The following UBAC1 variants were observed in gnomAD, a reference collection of about 807,000 sequenced individuals.
UBAC1 encodes the protein UBA domain containing 1, also known as ubiquitin-associated domain-containing protein 1.
UBAC1 carries 27 observed loss-of-function variants against 45.9 expected under a neutral mutation model. The observed-to-expected ratio is 0.59, with a 90% CI of 0.43 to 0.81. The LOEUF (loss-of-function observed/expected upper bound fraction) is 0.81, where lower values mean the gene tolerates loss of function less well. UBAC1 is among the 30% of genes least tolerant of loss of function. The pLI is 0.00. For missense variants in UBAC1, 529 were observed against 539.2 expected, an observed-to-expected ratio of 0.98 and a Z score of 0.19; for synonymous variants, 227 against 215.5, an observed-to-expected ratio of 1.05 and a Z score of -0.47.
Position 135,933,295 on chromosome 9 carries a change from G to A in UBAC1, c.*105C>T. On this transcript the variant is annotated 3_prime_UTR_variant, in exon 10 of 10. Transcript: ENST00000371756. Reference sequence around the variant, plus strand: ...CAGCTGCAGCACCTCTAACAGTCCAGGGCTGAGGCGCTGAAGGTGAGTTTC... The same window carrying A: ...CAGCTGCAGCACCTCTAACAGTCCAAGGCTGAGGCGCTGAAGGTGAGTTTC... 1.1e-6 allele frequency: 1 copy of A among 872,900 alleles called. No individual in the cohort carries two copies. The allele number at this position is 872,900 out of a possible 1,614,324, so 54.1% of individuals were successfully genotyped here. A position where few individuals can be genotyped will look rare whatever the true frequency, so the allele number is the denominator to read the frequency against.
At chr9:135,959,889 A>ATCC (rs2131097508) in intron 1 of UBAC1, among the ~76,000 whole-genome samples, 1 of 152,264 alleles carries the variant, frequency 6.6e-6, no homozygotes, top group Admixed American at 6.5e-5. Context: ...CTTGGTGTGA[A>ATCC]TCCTGAGGCC....
intron 4 of UBAC1, 119 bp downstream of exon 4, chr9:135,947,679 G>T: frequency 1.3e-6 from 1 of 768,002 alleles, no homozygotes; most frequent in Non-Finnish European, 2.0e-6. Context: ...CCGCTCACCG[G>T]CTTCCCCAAA....
chr9:135,961,132 C>T lies in UBAC1; in HGVS notation c.31G>A (p.Gly11Ser). 6.3e-7 allele frequency: 1 copy of T among 1,585,846 alleles called. No individual in the cohort carries two copies. Among genetic ancestry groups the T allele is most frequent in the East Asian group, 2.4e-5 (1 of 41,844 alleles). Residue 11 changes from glycine to serine, a missense_variant, in exon 1 of 10, where the codon GGC becomes AGC. Physicochemically the swap from Gly to Ser is moderately conservative, Grantham distance 56 (BLOSUM62 0). Transcript: ENST00000371756. Reference protein sequence around the residue: MFVQEEKIFAGKVLRLHICAS... With the variant: MFVQEEKIFASKVLRLHICAS... Reference sequence around the variant, plus strand: ...CAGATGTGCAGCCGCAGCACCTTGCCCGCGAAGATCTTCTCCTCCTGCACG... The same window carrying T: ...CAGATGTGCAGCCGCAGCACCTTGCTCGCGAAGATCTTCTCCTCCTGCACG...
intron 7 of UBAC1, among the ~76,000 whole-genome samples, chr9:135,942,787 G>A (rs1472306297): frequency 2.0e-5 from 3 of 152,214 alleles, no homozygotes; most frequent in African/African-American, 7.2e-5. Flanking sequence ...GCTGCCCTGG[G>A]AGGGCGGGGT....
intron 9 of UBAC1, among the ~76,000 whole-genome samples, chr9:135,936,559 G>A (rs1468211681): frequency 4.7e-5 from 7 of 150,358 alleles, no homozygotes; most frequent in South Asian, 2.1e-4. Flanking sequence ...GCAGTGGCAC[G>A]ATCTCGGCTC....
At position 135,933,328 on chromosome 9, in the gene UBAC1, G is replaced by C. The variant is rs1839166327; in HGVS notation, c.*72C>G. ...GCGCTGAAGGTGAGTTTCCAGGTGA[G>C]GTCCACTCTGCCCGGTCTCGGGCCG... On this transcript the variant is annotated 3_prime_UTR_variant, in exon 10 of 10. Transcript: ENST00000371756. The C allele has an allele frequency of 1.6e-6, 2 of 1,280,140 alleles. No individual in the cohort carries two copies. Among genetic ancestry groups the C allele is most frequent in the Non-Finnish European group, 1.1e-6 (1 of 880,000 alleles). 79.3% of individuals were successfully genotyped at this position (1,280,140 alleles called of 1,614,324 possible).
intron 3 of UBAC1, among the ~76,000 whole-genome samples, chr9:135,949,626 C>G (rs1180514561): frequency 6.6e-6 from 1 of 152,242 alleles, no homozygotes; most frequent in Non-Finnish European, 1.5e-5. Context: ...GGCCTCCAGA[C>G]AGTTTCCCCT....
chr9:135,949,642 C>T (rs1839382638), intron 3 of UBAC1, among the ~76,000 whole-genome samples: 1 of 152,186 alleles, frequency 6.6e-6, no homozygotes, highest in South Asian at 2.1e-4. Flanking sequence ...CCCCTCCTGG[C>T]ACCCGAGGAA....
rs1839355827 is a variant in UBAC1 at position 135,947,818 on chromosome 9, C to T, written c.421G>A (p.Val141Ile). 3 of 1,613,890 alleles carry T rather than the reference C, an allele frequency of 1.9e-6. No homozygotes were observed. Among genetic ancestry groups the T allele is most frequent in the Non-Finnish European group, 2.5e-6 (3 of 1,179,972 alleles). The change falls in exon 4 of 10, where the codon GTC (valine) becomes ATC (isoleucine). Residue 141 changes from valine (V) to isoleucine (I), a missense_variant. Transcript: ENST00000371756. Reference sequence around the variant, plus strand: ...CTCACGTCTCTCATGTTGGTCTGGACCGCGGCCCGGTCCATGTTGTAGGAG... The same window carrying T: ...CTCACGTCTCTCATGTTGGTCTGGATCGCGGCCCGGTCCATGTTGTAGGAG... ...LPSYNMDRAAVQTNMRDFQTE... is the reference protein window; with the variant it reads ...LPSYNMDRAAIQTNMRDFQTE...
intron 2 of UBAC1, among the ~76,000 whole-genome samples, chr9:135,954,297 T>C (rs970952549): frequency 6.6e-6 from 1 of 151,704 alleles, no homozygotes; most frequent in Admixed American, 6.6e-5. Context: ...ATATAAAAAA[T>C]AGTTGCGCAT....
At chr9:135,937,793 C>G (rs1839217298) in intron 9 of UBAC1, among the ~76,000 whole-genome samples, 1 of 152,246 alleles carries the variant, frequency 6.6e-6, no homozygotes, top group Non-Finnish European at 1.5e-5. Flanking sequence ...TTTAAAGTTA[C>G]ATCATCATAT....
chr9:135,953,835 G>A (rs959547068), intron 2 of UBAC1, 82 bp from the exon 3 acceptor site: 1 of 1,285,786 alleles, frequency 7.8e-7, no homozygotes. Flanking sequence ...TGGATGCCCT[G>A]AGAACAGAAC....
chr9:135,956,284 G>A lies in UBAC1; in HGVS notation c.139-869C>T, dbSNP rs568656860. On this transcript the variant is annotated intron_variant, in intron 1 of 9. Coordinates refer to ENST00000371756, the MANE Select transcript of UBAC1 (RefSeq NM_016172.3). ...ACCCTGCCATTACAAAGATCTCACA[G>A]CCAACTGCTGGCAGGGGTAGATCCT... is the stretch of plus-strand genomic sequence containing the variant. Among the ~76,000 whole-genome samples the A allele has an allele frequency of 2.0e-5, 3 of 152,334 alleles. No individual in the cohort carries two copies. The South Asian group carries it at 6.2e-4, about 32-fold the overall frequency.
intron 7 of UBAC1, among the ~76,000 whole-genome samples, chr9:135,941,187 C>G (rs1839265727): frequency 6.6e-6 from 1 of 152,176 alleles, no homozygotes; most frequent in African/African-American, 2.4e-5. Flanking sequence ...GGGAGGATCA[C>G]TTGAGGTCAG....
chr9:135,961,049 C>T lies in UBAC1; in HGVS notation c.114G>A (p.Lys38=), dbSNP rs745601029. Reference sequence around the variant, plus strand: ...CGTGCTTGAGGCAGCGCTCCTTGAGCTTCTCCACCGAGGTGTCCTCGGTGG... The same window carrying T: ...CGTGCTTGAGGCAGCGCTCCTTGAGTTTCTCCACCGAGGTGTCCTCGGTGG... The part of the protein sequence containing the change: ...EEATEDTSVE[K]LKERCLKHCA... The change falls in exon 1 of 10, where the codon AAG becomes AAA. Residue 38 remains lysine (K), a synonymous_variant. Transcript: ENST00000371756. 2 of 1,575,930 alleles carry T rather than the reference C, an allele frequency of 1.3e-6. No individual in the cohort carries two copies. The highest frequency in any genetic ancestry group is 1.1e-5 in the South Asian group (1 of 87,464).
chr9:135,943,990 G>T (rs749979721), intron 7 of UBAC1, among the ~76,000 whole-genome samples: 5 of 152,146 alleles, frequency 3.3e-5, no homozygotes, highest in Non-Finnish European at 7.3e-5. Context: ...GGGAGGGAGA[G>T]CATCATGAAA....
At chr9:135,955,562 C>T in intron 1 of UBAC1, 147 bp from the exon 2 acceptor site, 1 of 947,226 alleles carries the variant, frequency 1.1e-6, no homozygotes, top group Non-Finnish European at 1.5e-6. Context: ...AAAGAATTCC[C>T]ACTAATGGTA....
At chr9:135,938,935 G>A (rs1410833051) in intron 8 of UBAC1, among the ~76,000 whole-genome samples, 4 of 152,248 alleles carry the variant, frequency 2.6e-5, no homozygotes, top group Non-Finnish European at 5.9e-5. Context: ...TGGGCTGGGA[G>A]TGGTGGCTCA....
chr9:135,955,474 A>G (rs1839456720), intron 1 of UBAC1, 59 bp from the exon 2 acceptor site: 2 of 1,441,248 alleles, frequency 1.4e-6, no homozygotes, highest in Non-Finnish European at 1.8e-6. Flanking sequence ...CTAATAATAT[A>G]GGACCTGGCA....
Sources: allele counts gnomAD v4.1 joint callset (sites outside exome capture counted in the v4.1 genomes callset), GRCh38; gene constraint gnomAD v4.1.1; transcripts MANE v1.5; gene names NCBI Gene and HGNC (gene_info 2026-07-23, HGNC 2026-07-21).